Variants in PARVG observed in about 807,000 individuals in gnomAD.
The protein encoded by PARVG is gamma-parvin.
PARVG carries 36 observed loss-of-function variants against 44.4 expected under a neutral mutation model. That is an observed-to-expected ratio of 0.81 (90% CI 0.62 to 1.07). PARVG has a LOEUF of 1.07. Ranked by LOEUF, PARVG falls within the 50% of genes least tolerant of loss-of-function variation. PARVG has a pLI of 0.00. For missense variants in PARVG, 407 were observed against 407.4 expected, an observed-to-expected ratio of 1.00 and a Z score of 0.01; for synonymous variants, 170 against 174.1, an observed-to-expected ratio of 0.98 and a Z score of 0.19.
intron 1 of PARVG, among the ~76,000 whole-genome samples, chr22:44,175,897 C>T (rs1157783090): frequency 3.9e-5 from 6 of 152,186 alleles, no homozygotes; most frequent in East Asian, 3.8e-4. Flanking sequence ...CCCAGCCCCT[C>T]GGATTTAGGT....
At chr22:44,201,476 C>T (rs536834832) in intron 12 of PARVG, among the ~76,000 whole-genome samples, 1 of 152,126 alleles carries the variant, frequency 6.6e-6, no homozygotes, top group Non-Finnish European at 1.5e-5. Context: ...CCTCCACCTT[C>T]CCTGGAGGCC....
At chr22:44,183,730 G>A (rs1476776239) in intron 3 of PARVG, 3 of 417,772 alleles carry the variant, frequency 7.2e-6, no homozygotes, top group African/African-American at 2.0e-5. Context: ...TCTCAAGGGC[G>A]GGCATCAGTG....
chr22:44,185,831 C>T lies in PARVG; in HGVS notation c.103C>T (p.Pro35Ser). ...SKGGKKKYLP[P>S]TSRKDPKFEE... ...AGGAGGAAAGAAGAAATACCTGCCA[C>T]CCACTTCCCGGAAGGACCCCAAATT... Residue 35 changes from proline to serine, a missense_variant, in exon 4 of 14, where the codon CCC (proline) becomes TCC (serine). Coordinates refer to ENST00000444313, the MANE Select transcript of PARVG (RefSeq NM_022141.7). 1 of 1,613,728 alleles carries T rather than the reference C, an allele frequency of 6.2e-7. No individual in the cohort carries two copies. The highest frequency in any genetic ancestry group is 8.5e-7 in the Non-Finnish European group (1 of 1,179,794).
chr22:44,200,543 G>A (rs1189073697), intron 12 of PARVG, among the ~76,000 whole-genome samples: 3 of 152,212 alleles, frequency 2.0e-5, no homozygotes, highest in Non-Finnish European at 4.4e-5. Context: ...AGGCTGGAGT[G>A]TTGGTGGCTG....
intron 12 of PARVG, among the ~76,000 whole-genome samples, chr22:44,203,180 T>C (rs1457362336): frequency 6.6e-6 from 1 of 152,194 alleles, no homozygotes; most frequent in Non-Finnish European, 1.5e-5. Flanking sequence ...TCCCAAAGCA[T>C]AAGCTCTATG....
intron 11 of PARVG, 138 bp downstream of exon 11, chr22:44,196,553 G>A (rs571321143): frequency 4.9e-6 from 5 of 1,028,016 alleles, no homozygotes; most frequent in Middle Eastern, 3.1e-4. Flanking sequence ...CCCCCTCCCC[G>A]GTGGGACTGT....
chr22:44,185,908 G>A, intron 4 of PARVG, 36 bp downstream of exon 4: 2 of 1,586,590 alleles, frequency 1.3e-6, no homozygotes, highest in Non-Finnish European at 8.6e-7. Flanking sequence ...TTCCCTGGGT[G>A]CCTCTTGGCA....
At chr22:44,194,847 A>G (rs543588198) in intron 9 of PARVG, among the ~76,000 whole-genome samples, 120 of 149,720 alleles carry the variant, frequency 8.0e-4, no homozygotes, top group African/African-American at 3.0e-3. Flanking sequence ...CCATCCATCT[A>G]TCCATCCATC....
intron 11 of PARVG, among the ~76,000 whole-genome samples, chr22:44,197,139 G>A (rs545239287): frequency 1.1e-3 from 167 of 152,190 alleles, no homozygotes; most frequent in Non-Finnish European, 2.1e-3. Flanking sequence ...CTGGGGTGGG[G>A]AGGGAGTCTG....
At chr22:44,198,945 C>CCCACCCACCCGTCCGTCCGTCCGT (rs1569186454) in intron 12 of PARVG, among the ~76,000 whole-genome samples, 13 of 23,068 alleles carry the variant, frequency 5.6e-4, no homozygotes, top group Non-Finnish European at 7.2e-4. Flanking sequence ...CATCCACCCA[C>CCCACCCACCCGTCCGTCCGTCCGT]CCATCCATCC....
At chr22:44,204,947 G>A (rs1034195084) in intron 12 of PARVG, among the ~76,000 whole-genome samples, 3 of 152,192 alleles carry the variant, frequency 2.0e-5, no homozygotes, top group Admixed American at 1.3e-4. Flanking sequence ...TGGGAGGGCC[G>A]GCAGGCTCCT....
Position 44,185,892 on chromosome 22 carries a change from C to G in PARVG, c.144+20C>G, listed in dbSNP as rs764195852. The G allele has an allele frequency of 1.9e-6, 3 of 1,606,906 alleles. No homozygotes were observed. In the South Asian group the frequency reaches 3.3e-5, roughly 18 times the overall value. On this transcript the variant is annotated intron_variant, in intron 4 of 13. Coordinates refer to ENST00000444313, the MANE Select transcript of PARVG (RefSeq NM_022141.7). Reference sequence around the variant, plus strand: ...CAGAAGGTACAGCAGCCTCCACAGCCCTGACTTCCCTGGGTGCCTCTTGGC... The same window carrying G: ...CAGAAGGTACAGCAGCCTCCACAGCGCTGACTTCCCTGGGTGCCTCTTGGC...
chr22:44,173,930 G>A (rs546734231), intron 1 of PARVG, among the ~76,000 whole-genome samples: 12 of 152,344 alleles, frequency 7.9e-5, no homozygotes, highest in East Asian at 3.9e-4. Context: ...TAGAGTGCCA[G>A]GTCCTTGAGC....
chr22:44,175,128 C>CAA (rs1447494604), intron 1 of PARVG, among the ~76,000 whole-genome samples: 1 of 152,110 alleles, frequency 6.6e-6, no homozygotes, highest in African/African-American at 2.4e-5. Context: ...GTCTCAAAAA[C>CAA]AAAAAACATT....
At chr22:44,175,926 A>G (rs779933059), upstream of PARVG, among the ~76,000 whole-genome samples, 2 of 152,224 alleles carry the variant, frequency 1.3e-5, no homozygotes, top group Admixed American at 1.3e-4. Context: ...GGCTGGTCCT[A>G]ACAGCCGGGA....
At chr22:44,206,136 A>G (rs1301226225) in intron 13 of PARVG, among the ~76,000 whole-genome samples, 181 bp from the exon 14 acceptor site, 2 of 152,022 alleles carry the variant, frequency 1.3e-5, no homozygotes, top group Admixed American at 6.5e-5. Flanking sequence ...GGCCAGGAGG[A>G]GGAGGCAGTC....
At chr22:44,201,632 C>T (rs573108242) in intron 12 of PARVG, among the ~76,000 whole-genome samples, 2 of 152,340 alleles carry the variant, frequency 1.3e-5, no homozygotes, top group East Asian at 3.9e-4. Context: ...GCTGCATCAG[C>T]CAGCCATTGC....
In PARVG at chr22:44,202,057, G is replaced by A. The variant is rs567080019; in HGVS notation, c.813+3335G>A. On this transcript the variant is annotated intron_variant, in intron 12 of 13. Coordinates refer to ENST00000444313, the MANE Select transcript of PARVG (RefSeq NM_022141.7). ...GGGATCTCCCACGGGCAGTGTGGACGAATGTGCTAGCAAATCCTCATGTTG... is the reference window on the plus strand; with the variant it reads ...GGGATCTCCCACGGGCAGTGTGGACAAATGTGCTAGCAAATCCTCATGTTG... Among the ~76,000 whole-genome samples the A allele has an allele frequency of 4.4e-4, 67 of 152,374 alleles. 1 individual carries two copies. The highest frequency in any genetic ancestry group is 1.5e-3 in the African/African-American group (64 of 41,596).
chr22:44,185,319 G>T (rs1226628513), intron 3 of PARVG: 1 of 156,312 alleles, frequency 6.4e-6, no homozygotes, highest in East Asian at 1.9e-4. Context: ...TGTGGGTTCT[G>T]TGAGTCTAAA....
Sources: allele counts gnomAD v4.1 joint callset (sites outside exome capture counted in the v4.1 genomes callset), GRCh38; gene constraint gnomAD v4.1.1; transcripts MANE v1.5; gene names NCBI Gene and HGNC (gene_info 2026-07-23, HGNC 2026-07-21).